Variants in TBC1D5 observed in about 807,000 individuals in gnomAD.
TBC1D5 encodes TBC1 domain family, member 5.
In TBC1D5, 75 loss-of-function variants were observed where a neutral mutation model predicts 100.3. The observed-to-expected ratio is 0.75, with a 90% CI of 0.62 to 0.91. The LOEUF (loss-of-function observed/expected upper bound fraction) is 0.91, where lower values mean the gene tolerates loss of function less well. Among genes scored for constraint, TBC1D5 ranks in the 40% least tolerant of loss-of-function variants. The pLI is 0.00. For missense variants in TBC1D5, 910 were observed against 942.4 expected (o/e 0.97, Z 0.45); for synonymous variants, 323 against 325.6 (o/e 0.99, Z 0.09).
intron 1 of TBC1D5, among the ~76,000 whole-genome samples, chr3:17,688,839 C>A (rs1462557067): frequency 6.6e-6 from 1 of 152,152 alleles, no homozygotes; most frequent in Non-Finnish European, 1.5e-5. Context: ...TATTTCTCAG[C>A]CTATTTTTAA....
In TBC1D5 at chr3:17,548,586, T is replaced by C. The variant is rs2096441829; in HGVS notation, c.-35-39981A>G. On this transcript the variant is annotated intron_variant, in intron 2 of 21. Transcript: ENST00000253692. ...ATCAACACTTGTCTTCAAAAGATGC[T>C]TTTGTAGAGTCTTTGTAGCTACTGT... Among the ~76,000 whole-genome samples the C allele has an allele frequency of 2.0e-5, 3 of 152,170 alleles. No homozygotes were observed. The South Asian group carries it at 6.2e-4, about 31-fold the overall frequency.
Position 17,554,570 on chromosome 3 carries a change from G to A in TBC1D5, c.-35-45965C>T, listed in dbSNP as rs186278762. ...TCCTATTATTCTTATGTTATGCTCA[G>A]GAACATGTTCTAGAAAACCAACAAA... On this transcript the variant is annotated intron_variant, in intron 2 of 21. Coordinates refer to ENST00000253692, the Ensembl canonical transcript of TBC1D5. 1.6e-3 allele frequency among the ~76,000 whole-genome samples: 251 copies of A among 152,278 alleles called. 1 individual carries two copies. Among genetic ancestry groups the A allele is most frequent in the Admixed American group, 3.7e-3 (57 of 15,296 alleles).
intron 19 of TBC1D5, among the ~76,000 whole-genome samples, chr3:17,168,980 C>T (rs995869007): frequency 2.6e-5 from 4 of 152,132 alleles, no homozygotes; most frequent in Admixed American, 2.6e-4. Context: ...GTGCCCTTGG[C>T]CTGGAGGCTC....
At chr3:17,662,822 G>A (rs1305205341) in intron 1 of TBC1D5, among the ~76,000 whole-genome samples, 1 of 152,044 alleles carries the variant, frequency 6.6e-6, no homozygotes. Flanking sequence ...ATCTGGCACT[G>A]CATGGCATGA....
At chr3:17,455,328 A>ATATATG (rs571434588) in intron 3 of TBC1D5, among the ~76,000 whole-genome samples, 2 of 144,580 alleles carry the variant, frequency 1.4e-5, no homozygotes, top group Admixed American at 1.4e-4. Context: ...GTATATGTGT[A>ATATATG]TATATGTATA....
At chr3:17,427,675 A>G (rs73161425) in intron 4 of TBC1D5, among the ~76,000 whole-genome samples, 9,221 of 151,934 alleles carry the variant, frequency 0.061, 545 homozygotes, top group African/African-American at 0.15. Flanking sequence ...TTCTTCAAGA[A>G]TCTGCATTGC....
chr3:17,489,866 C>T (rs73153051), intron 3 of TBC1D5, among the ~76,000 whole-genome samples: 12,174 of 152,170 alleles, frequency 0.08, 1,005 homozygotes, highest in African/African-American at 0.22. Flanking sequence ...CCTTCAGGTA[C>T]ATATACAGTA....
At chr3:17,732,720 A>AAATAAATAAATAAATAAAT (rs1690942480) in intron 1 of TBC1D5, among the ~76,000 whole-genome samples, 15 of 144,876 alleles carry the variant, frequency 1.0e-4, no homozygotes, top group South Asian at 2.2e-4. Flanking sequence ...CCGTCTCAAA[A>AAATAAATAAATAAATAAAT]AAATAAATAA....
chr3:17,281,112 G>C (rs931277175), intron 15 of TBC1D5, among the ~76,000 whole-genome samples: 2 of 152,156 alleles, frequency 1.3e-5, no homozygotes, highest in Non-Finnish European at 2.9e-5. Context: ...CCCGTGAAGG[G>C]GTCAGGGAAA....
chr3:17,570,169 A>T (rs1198696644), intron 2 of TBC1D5, among the ~76,000 whole-genome samples: 2 of 152,104 alleles, frequency 1.3e-5, no homozygotes. Context: ...AGTTCCATCC[A>T]GTAAGTTAAC....
intron 1 of TBC1D5, among the ~76,000 whole-genome samples, chr3:17,633,362 G>C (rs1266507001): frequency 1.3e-5 from 2 of 150,458 alleles, no homozygotes; most frequent in Non-Finnish European, 3.0e-5. Flanking sequence ...CTGGAACCTG[G>C]GAGGCAGAGG....
Position 17,673,065 on chromosome 3 carries a change from T to C in TBC1D5, c.-100-49152A>G, listed in dbSNP as rs187078663. Among the ~76,000 whole-genome samples the C allele has an allele frequency of 2.6e-3, 402 of 151,942 alleles. 2 individuals are homozygous for C. The highest frequency in any genetic ancestry group is 0.019 in the South Asian group (89 of 4,810). On this transcript the variant is annotated intron_variant, in intron 1 of 21. Transcript: ENST00000253692. ...TAACGATGGCTAAGAAGGAAAAAAATTGCAAATAATAGAATAACAACAAAT... is the reference window on the plus strand; with the variant it reads ...TAACGATGGCTAAGAAGGAAAAAAACTGCAAATAATAGAATAACAACAAAT...
intron 4 of TBC1D5, among the ~76,000 whole-genome samples, chr3:17,408,073 G>T (rs2093820692): frequency 6.6e-6 from 1 of 152,010 alleles, no homozygotes; most frequent in Admixed American, 6.6e-5. Flanking sequence ...ACATGCTTGG[G>T]ATCAGAAAGA....
intron 13 of TBC1D5, among the ~76,000 whole-genome samples, chr3:17,358,186 G>A (rs1352443066): frequency 6.6e-6 from 1 of 151,446 alleles, no homozygotes; most frequent in Admixed American, 6.6e-5. Context: ...TTGTTTGTTT[G>A]TTTTTGTTTT....
At chr3:17,551,844 A>G (rs1285088021) in intron 2 of TBC1D5, among the ~76,000 whole-genome samples, 1 of 152,184 alleles carries the variant, frequency 6.6e-6, no homozygotes, top group Non-Finnish European at 1.5e-5. Context: ...TAAAACATAT[A>G]AACACAAAAA....
intron 21 of TBC1D5, among the ~76,000 whole-genome samples, chr3:17,164,355 C>T (rs4337625): frequency 0.36 from 54,325 of 152,104 alleles, 9,811 homozygotes; most frequent in South Asian, 0.44. Context: ...AAGAAAGCAC[C>T]GAAAACCCAT....
Position 17,701,132 on chromosome 3 carries a change from A to G in TBC1D5, c.-101+38211T>C, listed in dbSNP as rs149419543. The stretch of plus-strand genomic sequence containing the variant: ...TAAGAAAATGTGGCACATATACACC[A>G]TGGAATACTATGCAGCCATAAAAAG... On this transcript the variant is annotated intron_variant, in intron 1 of 21. Coordinates refer to ENST00000253692, the Ensembl canonical transcript of TBC1D5. Among the ~76,000 whole-genome samples, 1,063 of 152,306 alleles carry G rather than the reference A, an allele frequency of 7.0e-3. 11 individuals are homozygous for G. Among genetic ancestry groups the G allele is most frequent in the African/African-American group, 0.024 (979 of 41,570 alleles).
At chr3:17,715,512 T>C (rs908803557) in intron 1 of TBC1D5, among the ~76,000 whole-genome samples, 17 of 152,152 alleles carry the variant, frequency 1.1e-4, no homozygotes, top group Admixed American at 7.9e-4. Context: ...TCTATCAAAG[T>C]GGGACATGGA....
intron 13 of TBC1D5, among the ~76,000 whole-genome samples, chr3:17,368,228 A>T (rs1281555862): frequency 6.6e-6 from 1 of 152,168 alleles, no homozygotes; most frequent in African/African-American, 2.4e-5. Flanking sequence ...TAAAACTAGG[A>T]TCATGTAATT....
Sources: gnomAD v4.1 joint callset for allele counts (sites outside exome capture counted in the v4.1 genomes callset) on GRCh38, gnomAD v4.1.1 for gene constraint, MANE v1.5 for transcripts, NCBI Gene and HGNC (gene_info 2026-07-23, HGNC 2026-07-21) for gene names.